The following TENM4 variants were observed in gnomAD, a reference collection of about 807,000 sequenced individuals.
TENM4 encodes teneurin transmembrane protein 4, also known as teneurin-4.
In TENM4, 82 loss-of-function variants were observed where a neutral mutation model predicts 243.3. The ratio of observed to expected loss-of-function variants is 0.34; its 90% CI spans 0.28 to 0.40. The LOEUF is 0.40. Ranked by LOEUF, TENM4 falls within the 10% of genes least tolerant of loss-of-function variation. The pLI is 1.00. For missense variants in TENM4, 3,138 were observed against 3,673.3 expected (o/e 0.85, Z 3.77); for synonymous variants, 1,412 against 1,456.3 (o/e 0.97, Z 0.69).
intron 7 of TENM4, among the ~76,000 whole-genome samples, chr11:78,893,210 G>C (rs571855344): frequency 6.6e-5 from 10 of 152,336 alleles, no homozygotes; most frequent in Middle Eastern, 3.4e-3. Flanking sequence ...ATCCCTCAGA[G>C]TGGCTCTATT....
chr11:78,683,876 C>G (rs932388796), intron 29 of TENM4, among the ~76,000 whole-genome samples: 1 of 152,238 alleles, frequency 6.6e-6, no homozygotes, highest in African/African-American at 2.4e-5. Flanking sequence ...GAGTTTCTTT[C>G]TATAGATGAA....
At chr11:79,283,114 T>C (rs1856185768) in intron 2 of TENM4, among the ~76,000 whole-genome samples, 1 of 151,902 alleles carries the variant, frequency 6.6e-6, no homozygotes, top group Non-Finnish European at 1.5e-5. Context: ...TTTATAAAAC[T>C]CTTACAAGAA....
At chr11:78,905,269 A>G (rs186088041) in intron 6 of TENM4, among the ~76,000 whole-genome samples, 148 of 152,320 alleles carry the variant, frequency 9.7e-4, no homozygotes, top group Non-Finnish European at 1.2e-3. Context: ...GGAAATCATC[A>G]AGCACAGTCA....
intron 1 of TENM4, among the ~76,000 whole-genome samples, chr11:79,360,081 C>G (rs1332627988): frequency 6.6e-6 from 1 of 152,154 alleles, no homozygotes; most frequent in African/African-American, 2.4e-5. Flanking sequence ...ATTACAGAGC[C>G]ACAGCCTCTT....
At chr11:78,939,329 T>C (rs1374072995) in intron 6 of TENM4, among the ~76,000 whole-genome samples, 1 of 152,240 alleles carries the variant, frequency 6.6e-6, no homozygotes, top group African/African-American at 2.4e-5. Flanking sequence ...CTGCCTAATA[T>C]AATCACGCTC....
At chr11:78,811,569 A>AACACACACATACAC (rs1555083999) in intron 14 of TENM4, among the ~76,000 whole-genome samples, 8 of 65,032 alleles carry the variant, frequency 1.2e-4, no homozygotes, top group African/African-American at 2.4e-4. Context: ...CATACACATG[A>AACACACACATACAC]ACACACACAC....
intron 10 of TENM4, among the ~76,000 whole-genome samples, chr11:78,858,529 T>A (rs1321819137): frequency 6.6e-6 from 1 of 151,848 alleles, no homozygotes; most frequent in Non-Finnish European, 1.5e-5. Context: ...GGGGAAAGAG[T>A]CATGACATGG....
In TENM4 at chr11:78,702,319, T is replaced by C; in HGVS notation, c.4294A>G (p.Ile1432Val). The C allele has an allele frequency of 6.2e-7, 1 of 1,613,936 alleles. No individual in the cohort carries two copies. The change falls in exon 28 of 34, where the codon ATC becomes GTC. Residue 1432 changes from isoleucine (I) to valine (V), a missense_variant. This residue lies in a region of TENM4 where 2,467 missense variants were observed against 3,059.1 expected (regional missense o/e 0.81). Coordinates refer to ENST00000278550, the MANE Select transcript of TENM4 (RefSeq NM_001098816.3). The stretch of plus-strand genomic sequence containing the variant: ...ATGCGCACCTGGTGGTTTTCAGAGA[T>C]TTGCAGGACCACATTGTTGTCGAGG... Reference protein sequence around the residue: ...YVLDNNVVLQISENHQVRIVA... With the variant: ...YVLDNNVVLQVSENHQVRIVA...
At chr11:79,078,819 T>A (rs1172805017) in intron 4 of TENM4, among the ~76,000 whole-genome samples, 1 of 152,186 alleles carries the variant, frequency 6.6e-6, no homozygotes, top group Non-Finnish European at 1.5e-5. Flanking sequence ...AAACCAGGAT[T>A]TAGGGAGGTT....
At chr11:79,386,376 T>C (rs1387232827) in intron 1 of TENM4, among the ~76,000 whole-genome samples, 4 of 152,074 alleles carry the variant, frequency 2.6e-5, no homozygotes, top group Admixed American at 6.5e-5. Flanking sequence ...AAACAAGACA[T>C]AAAATGTGCT....
At chr11:78,814,614 G>C (rs1857566087) in intron 12 of TENM4, among the ~76,000 whole-genome samples, 1 of 152,174 alleles carries the variant, frequency 6.6e-6, no homozygotes, top group East Asian at 1.9e-4. Flanking sequence ...ATGTCTGCCT[G>C]AACCAAATTT....
At chr11:78,941,863 G>A (rs913874126) in intron 6 of TENM4, among the ~76,000 whole-genome samples, 5 of 152,040 alleles carry the variant, frequency 3.3e-5, no homozygotes, top group Admixed American at 1.3e-4. Context: ...AACATTTTCT[G>A]AGCACCTACT....
At chr11:79,151,533 G>A (rs1358772682) in intron 3 of TENM4, among the ~76,000 whole-genome samples, 1 of 152,172 alleles carries the variant, frequency 6.6e-6, no homozygotes, top group African/African-American at 2.4e-5. Context: ...TGTGCTCTGT[G>A]TGTCATGTGT....
At chr11:79,191,156 A>T (rs1331566842) in intron 3 of TENM4, among the ~76,000 whole-genome samples, 367 of 59,292 alleles carry the variant, frequency 6.2e-3, no homozygotes, top group Middle Eastern at 0.036. Flanking sequence ...TCTCCTTTCC[A>T]CGGTCTCCCT....
At chr11:79,088,982 A>G (rs1216690283) in intron 4 of TENM4, among the ~76,000 whole-genome samples, 4 of 152,174 alleles carry the variant, frequency 2.6e-5, no homozygotes, top group Non-Finnish European at 5.9e-5. Context: ...TATCCCTGCC[A>G]TCCTGCCTCT....
chr11:79,139,777 A>AAT (rs1231182496), intron 4 of TENM4, among the ~76,000 whole-genome samples: 519 of 26,666 alleles, frequency 0.019, 56 homozygotes, highest in African/African-American at 0.031. Context: ...ATAAATATAT[A>AAT]ATATATATTA....
At position 78,854,276 on chromosome 11, in the gene TENM4, T is replaced by C; in HGVS notation, c.1509A>G (p.Leu503=). 6.6e-7 allele frequency: 1 copy of C among 1,526,106 alleles called. No individual in the cohort carries two copies. Among genetic ancestry groups the C allele is most frequent in the Non-Finnish European group, 8.8e-7 (1 of 1,133,600 alleles). 94.5% of individuals were successfully genotyped at this position (1,526,106 alleles called of 1,614,324 possible). The change falls in exon 12 of 34, where the codon CTA becomes CTG. Residue 503 remains leucine (L), a synonymous_variant. Coordinates refer to ENST00000278550, the MANE Select transcript of TENM4 (RefSeq NM_001098816.3). ...FVELLDGRRL[L]TQEARSLEGT... ...CCTCTAGGCTCCGCGCCTCCTGGGT[T>C]AGGAGCCTCCTGCCATCCAGCAGCT... is the stretch of plus-strand genomic sequence containing the variant.
chr11:78,770,147 A>G (rs1410048690), intron 18 of TENM4, among the ~76,000 whole-genome samples: 1 of 152,228 alleles, frequency 6.6e-6, no homozygotes, highest in Non-Finnish European at 1.5e-5. Flanking sequence ...TATTCTCCTA[A>G]TAACCACCTG....
chr11:78,859,723 G>T (rs1371814356), intron 10 of TENM4, among the ~76,000 whole-genome samples: 2 of 152,174 alleles, frequency 1.3e-5, no homozygotes, highest in African/African-American at 4.8e-5. Flanking sequence ...GCAACTGGTT[G>T]AAATTTATTT....
Sources: gnomAD v4.1 joint callset for allele counts (sites outside exome capture counted in the v4.1 genomes callset) on GRCh38, gnomAD v4.1.1 for gene constraint, gnomAD v4.1.1 regional missense constraint, MANE v1.5 for transcripts, NCBI Gene and HGNC (gene_info 2026-07-23, HGNC 2026-07-21) for gene names.